The following PAXBP1 variants were observed in gnomAD, a reference collection of about 807,000 sequenced individuals.
PAXBP1 encodes the protein PAX3- and PAX7-binding protein 1.
In PAXBP1, 44 loss-of-function variants were observed where a neutral mutation model predicts 119.9. The observed-to-expected ratio is 0.37, with a 90% CI of 0.29 to 0.47. The LOEUF (loss-of-function observed/expected upper bound fraction) is 0.47. Ranked by LOEUF, PAXBP1 falls within the 20% of genes least tolerant of loss-of-function variation. PAXBP1 has a pLI of 0.99. For missense variants in PAXBP1, 898 were observed against 1,134.1 expected (o/e 0.79, Z 2.99); for synonymous variants, 393 against 406.6 (o/e 0.97, Z 0.40).
At chr21:32,765,497 G>C (rs756092069) in intron 2 of PAXBP1, among the ~76,000 whole-genome samples, 1 of 152,120 alleles carries the variant, frequency 6.6e-6, no homozygotes, top group African/African-American at 2.4e-5. Context: ...GGAATATACT[G>C]AAAGAGTAAA....
At chr21:32,753,810 TAAGTA>T (rs879510578) in intron 8 of PAXBP1, among the ~76,000 whole-genome samples, 1 of 152,212 alleles carries the variant, frequency 6.6e-6, no homozygotes, top group Non-Finnish European at 1.5e-5. Context: ...AAATCCCCTC[TAAGTA>T]AATAGCTCCA....
In PAXBP1 at chr21:32,748,592, G is replaced by A. The variant is rs1182669449; in HGVS notation, c.1830C>T (p.Tyr610=). 6.2e-7 allele frequency: 1 copy of A among 1,614,040 alleles called. No homozygotes were observed. The highest frequency in any genetic ancestry group is 8.5e-7 in the Non-Finnish European group (1 of 1,179,946). ...CAATGTAAGCATCTTTGTAGGATGT[G>A]TAGTATTTTGAACGCCATGCTTCAA... ...SQFEAWRSKY[Y]TSYKDAYIGL... Residue 610 remains tyrosine, a synonymous_variant, in exon 11 of 18, where the codon TAC becomes TAT. Coordinates refer to ENST00000331923, the MANE Select transcript of PAXBP1 (RefSeq NM_016631.4).
intron 15 of PAXBP1, among the ~76,000 whole-genome samples, chr21:32,742,048 C>T (rs1268080986): frequency 6.6e-6 from 1 of 152,192 alleles, no homozygotes; most frequent in East Asian, 1.9e-4. Flanking sequence ...ATTCCCTTCT[C>T]TTCATAGGAC....
intron 17 of PAXBP1, among the ~76,000 whole-genome samples, chr21:32,735,453 A>T (rs994536154): frequency 1.3e-5 from 2 of 152,198 alleles, no homozygotes; most frequent in African/African-American, 2.4e-5. Flanking sequence ...TATACCTGGA[A>T]CACAAATCGT....
At position 32,771,308 on chromosome 21, in the gene PAXBP1, C is replaced by G; in HGVS notation, c.343+18G>C. 6.4e-7 allele frequency: 1 copy of G among 1,569,776 alleles called. No individual in the cohort carries two copies. Among genetic ancestry groups the G allele is most frequent in the South Asian group, 1.1e-5 (1 of 89,478 alleles). On this transcript the variant is annotated intron_variant, in intron 1 of 17. Transcript: ENST00000331923. ...CGGGGATGCGGCCGTCTAAGGGCGT[C>G]CGAAGCGCGCACTTTACCTTCCTCC... is the stretch of plus-strand genomic sequence containing the variant.
intron 1 of PAXBP1, among the ~76,000 whole-genome samples, chr21:32,770,345 T>C (rs1044484517): frequency 2.0e-5 from 3 of 152,148 alleles, no homozygotes; most frequent in Non-Finnish European, 4.4e-5. Flanking sequence ...CACCACAAGC[T>C]GACATAGTGG....
chr21:32,759,906 T>C lies in PAXBP1; in HGVS notation c.1064A>G (p.Tyr355Cys), dbSNP rs1397784400. 1 of 1,613,706 alleles carries C rather than the reference T, an allele frequency of 6.2e-7. No homozygotes were observed. Among genetic ancestry groups the C allele is most frequent in the Non-Finnish European group, 8.5e-7 (1 of 1,179,712 alleles). Residue 355 changes from tyrosine (Y) to cysteine (C), a missense_variant, in exon 6 of 18, where the codon TAT becomes TGT. Physicochemically the swap from Tyr to Cys is radical, Grantham distance 194. This residue lies in a region of PAXBP1 where 599 missense variants were observed against 852.7 expected (regional missense o/e 0.70). Coordinates refer to ENST00000331923, the MANE Select transcript of PAXBP1 (RefSeq NM_016631.4). ...MPYGSSYGIP[Y>C]SYTAYGSSDA... ...TGATGATCCATAGGCCGTATAACTA[T>C]AAGGAATGCCATAGGATGAGCCGTA... is the stretch of plus-strand genomic sequence containing the variant.
chr21:32,744,930 A>G lies in PAXBP1; in HGVS notation c.2069-17T>C. ...CAGCTATCACTATTAAGAAAAAAAGAGGATTGAGACACAGAAGCCAATTGT... is the reference window on the plus strand; with the variant it reads ...CAGCTATCACTATTAAGAAAAAAAGGGGATTGAGACACAGAAGCCAATTGT... On this transcript the variant is annotated splice_polypyrimidine_tract_variant and intron_variant, in intron 12 of 17. Transcript: ENST00000331923. 6.3e-7 allele frequency: 1 copy of G among 1,595,244 alleles called. No individual in the cohort carries two copies. The highest frequency in any genetic ancestry group is 8.5e-7 in the Non-Finnish European group (1 of 1,174,820).
intron 2 of PAXBP1, among the ~76,000 whole-genome samples, chr21:32,766,594 T>A (rs2044245059): frequency 1.3e-5 from 2 of 152,166 alleles, no homozygotes; most frequent in African/African-American, 2.4e-5. Flanking sequence ...CTGCCAAACT[T>A]CCCAAGGAAG....
At chr21:32,758,967 TA>T in intron 7 of PAXBP1, 112 bp downstream of exon 7, 1 of 1,036,382 alleles carries the variant, frequency 9.6e-7, no homozygotes, top group Non-Finnish European at 1.4e-6. Context: ...TCATCACTTC[TA>T]ATGTTGAGTT....
intron 2 of PAXBP1, among the ~76,000 whole-genome samples, chr21:32,767,776 T>A (rs573747333): frequency 6.6e-6 from 1 of 152,168 alleles, no homozygotes; most frequent in Non-Finnish European, 1.5e-5. Flanking sequence ...GTAAGTCCAA[T>A]TAAACCTCTT....
In PAXBP1 at chr21:32,740,677, T is replaced by TTA. The variant is rs1247940010; in HGVS notation, c.2335-2359_2335-2358insTA. Among the ~76,000 whole-genome samples, 144 of 152,322 alleles carry TTA rather than the reference T, an allele frequency of 9.5e-4. 2 individuals carry two copies. Among genetic ancestry groups the TTA allele is most frequent in the Non-Finnish European group, 5.9e-5 (4 of 68,028 alleles). ...AAGGATAGGAGAAAACCTTTGTGGC[T>TTA]TCATATTAGGCAAAGATTTCTTAGA... On this transcript the variant is annotated intron_variant, in intron 15 of 17. Transcript: ENST00000331923.
chr21:32,762,911 CAAAAAAA>C (rs763196446), intron 3 of PAXBP1, among the ~76,000 whole-genome samples: 16 of 47,912 alleles, frequency 3.3e-4, no homozygotes, highest in African/African-American at 1.2e-3. Flanking sequence ...AACTCCGTCT[CAAAAAAA>C]AAAAAAAAAA....
intron 7 of PAXBP1, among the ~76,000 whole-genome samples, chr21:32,758,193 G>A (rs564616067): frequency 5.9e-5 from 9 of 152,250 alleles, no homozygotes; most frequent in African/African-American, 2.2e-4. Context: ...GATAACAAAA[G>A]TTGAAATACA....
Position 32,738,280 on chromosome 21 carries a change from T to C in PAXBP1, c.2374A>G (p.Asn792Asp). 1 of 1,598,030 alleles carries C rather than the reference T, an allele frequency of 6.3e-7. No individual in the cohort carries two copies. Among genetic ancestry groups the C allele is most frequent in the Non-Finnish European group, 8.5e-7 (1 of 1,176,228 alleles). ...ATTGATAACTCTTGCAGAGTTTTAT[T>C]TGAGAAAATGCCATACCACTGAAGA... ...NFLQWYGIFS[N>D]KTLQELSIDG... Residue 792 changes from asparagine to aspartate, a missense_variant, in exon 16 of 18, where the codon AAT becomes GAT. Asn to Asp is a conservative substitution (Grantham distance 23). Coordinates refer to ENST00000331923, the MANE Select transcript of PAXBP1 (RefSeq NM_016631.4).
At chr21:32,755,498 A>G (rs1032241528) in intron 7 of PAXBP1, 145 bp from the exon 8 acceptor site, 10 of 1,003,036 alleles carry the variant, frequency 1.0e-5, no homozygotes, top group Non-Finnish European at 1.4e-5. Flanking sequence ...CAAGTAGCAA[A>G]TTCTGTTTTA....
In PAXBP1 at chr21:32,771,488, G is replaced by GCCCCGGGCCCAGCAGCGACTC. The variant is rs1381907897; in HGVS notation, c.160_180dup (p.Glu54_Gly60dup). ...GGGGTCAGCGCGGAAGGCGGCGACG[G>GCCCCGGGCCCAGCAGCGACTC]CCCCGGGCCCAGCAGCGACTCCCCG... On this transcript the variant is annotated inframe_insertion, in exon 1 of 18. Coordinates refer to ENST00000331923, the MANE Select transcript of PAXBP1 (RefSeq NM_016631.4). 2 of 1,327,842 alleles carry GCCCCGGGCCCAGCAGCGACTC rather than the reference G, an allele frequency of 1.5e-6. No individual in the cohort carries two copies. Among genetic ancestry groups the GCCCCGGGCCCAGCAGCGACTC allele is most frequent in the Non-Finnish European group, 1.9e-6 (2 of 1,045,588 alleles). 82.3% of individuals were successfully genotyped at this position (1,327,842 alleles called of 1,614,324 possible).
chr21:32,757,185 T>G (rs1440107161), intron 7 of PAXBP1, among the ~76,000 whole-genome samples: 2 of 152,160 alleles, frequency 1.3e-5, no homozygotes, highest in East Asian at 3.8e-4. Flanking sequence ...CTTTTTACGG[T>G]TAACTCTGAA....
chr21:32,749,093 A>G (rs1338677816), intron 10 of PAXBP1, among the ~76,000 whole-genome samples: 1 of 152,182 alleles, frequency 6.6e-6, no homozygotes, highest in Non-Finnish European at 1.5e-5. Flanking sequence ...CACTAATCAC[A>G]TTGCTTCATT....
Sources: allele counts gnomAD v4.1 joint callset (sites outside exome capture counted in the v4.1 genomes callset), GRCh38; gene constraint gnomAD v4.1.1; regional missense constraint gnomAD v4.1.1; transcripts MANE v1.5; gene names NCBI Gene and HGNC (gene_info 2026-07-23, HGNC 2026-07-21).